STXBP4: variants seen among roughly 807,000 people sequenced by gnomAD.
The protein encoded by STXBP4 is syntaxin binding protein 4, also known as syntaxin-binding protein 4.
A neutral mutation model predicts 76.1 loss-of-function variants in STXBP4; 55 were observed. That is an observed-to-expected ratio of 0.72 (90% CI 0.58 to 0.91). The LOEUF is 0.91. Ranked by LOEUF, STXBP4 falls within the 40% of genes least tolerant of loss-of-function variation. STXBP4 has a pLI of 0.00. For synonymous variants in STXBP4, 201 were observed against 220.2 expected (o/e 0.91, Z 0.77); for missense variants, 618 against 636.9 (o/e 0.97, Z 0.32).
At chr17:55,044,270 T>C (rs939920057) in intron 11 of STXBP4, 2 of 152,038 alleles carry the variant, frequency 1.3e-5, no homozygotes, top group East Asian at 1.9e-4. Flanking sequence ...GCAACATAAC[T>C]ACTTGATTTA....
intron 16 of STXBP4, among the ~76,000 whole-genome samples, chr17:55,115,980 G>C (rs1467482046): frequency 6.6e-6 from 1 of 151,824 alleles, no homozygotes; most frequent in Non-Finnish European, 1.5e-5. Flanking sequence ...CTGAATTGTT[G>C]AGGAGGTTGT....
At chr17:55,158,696 C>G (rs946605347) in intron 17 of STXBP4, among the ~76,000 whole-genome samples, 3 of 152,134 alleles carry the variant, frequency 2.0e-5, no homozygotes, top group African/African-American at 7.2e-5. Context: ...TGTTATTTCC[C>G]TGAAACACTT....
chr17:55,180,761 A>G, the STXBP4 span, among the ~76,000 whole-genome samples: 1 of 152,340 alleles, frequency 6.6e-6, no homozygotes, highest in South Asian at 2.1e-4. Context: ...AGCCTCCCTC[A>G]TCACAGAGAA....
intron 11 of STXBP4, chr17:55,044,397 A>C (rs536033638): frequency 6.6e-6 from 1 of 151,910 alleles, no homozygotes; most frequent in Non-Finnish European, 1.5e-5. Flanking sequence ...AGGAAAGAAA[A>C]TTTGTTTTGC....
intron 12 of STXBP4, among the ~76,000 whole-genome samples, chr17:55,050,637 A>G (rs1206819068): frequency 6.6e-6 from 1 of 152,158 alleles, no homozygotes; most frequent in Non-Finnish European, 1.5e-5. Flanking sequence ...CCTAGAAGTA[A>G]GAAGTAAAAA....
chr17:55,039,910 T>A (rs1393486434), intron 10 of STXBP4, among the ~76,000 whole-genome samples: 3 of 152,042 alleles, frequency 2.0e-5, no homozygotes, highest in African/African-American at 7.2e-5. Flanking sequence ...CAAAGGCCAC[T>A]GGAAATTAGG....
chr17:55,006,389 G>C (rs1461992707), intron 7 of STXBP4, among the ~76,000 whole-genome samples: 2 of 152,134 alleles, frequency 1.3e-5, no homozygotes, highest in African/African-American at 4.8e-5. Flanking sequence ...GCATAAAGAT[G>C]TGACATTTTC....
chr17:55,012,193 A>G (rs1342715438), intron 8 of STXBP4, among the ~76,000 whole-genome samples: 1 of 152,154 alleles, frequency 6.6e-6, no homozygotes. Context: ...ACAGTGCACC[A>G]TTGGTTACCT....
At chr17:55,191,444 A>G in the STXBP4 span, among the ~76,000 whole-genome samples, 1 of 152,140 alleles carries the variant, frequency 6.6e-6, no homozygotes. Flanking sequence ...AATTTCTTCA[A>G]ATGGTTATGA....
intron 16 of STXBP4, among the ~76,000 whole-genome samples, chr17:55,084,123 C>A (rs1006139634): frequency 6.6e-6 from 1 of 152,158 alleles, no homozygotes; most frequent in Admixed American, 6.5e-5. Flanking sequence ...CCTATTTCTC[C>A]ACATCCTCTC....
the STXBP4 span, among the ~76,000 whole-genome samples, chr17:55,193,640 A>G: frequency 1.7e-4 from 26 of 152,142 alleles, no homozygotes; most frequent in South Asian, 4.1e-4. Context: ...GAGGACAAAA[A>G]AAGGAAAAAC....
the STXBP4 span, among the ~76,000 whole-genome samples, chr17:55,185,233 T>C: frequency 6.5e-4 from 30 of 45,964 alleles, no homozygotes; most frequent in African/African-American, 1.6e-3. Flanking sequence ...TTCTTCTTCT[T>C]CTTCTTCTTC....
chr17:55,154,988 T>C (rs930092081), intron 17 of STXBP4, among the ~76,000 whole-genome samples: 3 of 152,130 alleles, frequency 2.0e-5, no homozygotes, highest in African/African-American at 2.4e-5. Flanking sequence ...CCTGCTAATA[T>C]TTGATCAGAG....
At chr17:55,152,596 G>A (rs952490303) in intron 17 of STXBP4, among the ~76,000 whole-genome samples, 1 of 152,158 alleles carries the variant, frequency 6.6e-6, no homozygotes, top group Non-Finnish European at 1.5e-5. Flanking sequence ...TCACAAGGCA[G>A]CAGGAGTGAG....
chr17:55,144,661 C>T (rs1472248666), intron 17 of STXBP4, among the ~76,000 whole-genome samples: 1 of 152,160 alleles, frequency 6.6e-6, no homozygotes, highest in Non-Finnish European at 1.5e-5. Context: ...ATTTGAACTG[C>T]TTGTAAATAG....
At chr17:55,213,102 T>G in the STXBP4 span, among the ~76,000 whole-genome samples, 1 of 152,286 alleles carries the variant, frequency 6.6e-6, no homozygotes, top group East Asian at 1.9e-4. Context: ...CACAGCAGCC[T>G]CCAGCAGAGA....
intron 16 of STXBP4, among the ~76,000 whole-genome samples, chr17:55,099,178 G>C (rs7224560): frequency 0.37 from 56,811 of 152,022 alleles, 11,285 homozygotes; most frequent in East Asian, 0.54. Flanking sequence ...TTGTTTACTC[G>C]ATTCAGCTTT....
Position 55,114,863 on chromosome 17 carries a change from C to G in STXBP4, c.1490-26447C>G, listed in dbSNP as rs191424374. On this transcript the variant is annotated intron_variant, in intron 16 of 17. Coordinates refer to ENST00000376352, the MANE Select transcript of STXBP4 (RefSeq NM_178509.6). The stretch of plus-strand genomic sequence containing the variant: ...ATGACAATCACAGTTCTCATATCTC[C>G]CAGAGCCAACCTTGATTTCAGATGT... Among the ~76,000 whole-genome samples the G allele has an allele frequency of 2.4e-3, 358 of 151,952 alleles. 9 individuals carry two copies. The highest frequency in any genetic ancestry group is 1.7e-3 in the East Asian group (9 of 5,186).
Position 55,171,106 on chromosome 17 carries a change from G to A in STXBP4, c.*11195G>A, listed in dbSNP as rs1462737536. 6.6e-6 allele frequency: 1 copy of A among 152,210 alleles called. No homozygotes were observed. The highest frequency in any genetic ancestry group is 2.4e-5 in the African/African-American group (1 of 41,444). 9.4% of individuals were successfully genotyped at this position (152,210 alleles called of 1,614,324 possible). ...ACTTTTGTGCAGTAAAACCAGCAAT[G>A]GATTTTAGCAGAGTTGATGCATCAT... On this transcript the variant is annotated 3_prime_UTR_variant, in exon 18 of 18. Coordinates refer to ENST00000376352, the MANE Select transcript of STXBP4 (RefSeq NM_178509.6).
Sources: allele counts gnomAD v4.1 joint callset (sites outside exome capture counted in the v4.1 genomes callset), GRCh38; gene constraint gnomAD v4.1.1; transcripts MANE v1.5; gene names NCBI Gene and HGNC (gene_info 2026-07-23, HGNC 2026-07-21).